SLC16A7: variants seen among roughly 807,000 people sequenced by gnomAD.
The protein encoded by SLC16A7 is solute carrier family 16 member 7, also known as monocarboxylate transporter 2.
In SLC16A7, 33 loss-of-function variants were observed where a neutral mutation model predicts 34.9. The ratio of observed to expected loss-of-function variants is 0.94; its 90% CI spans 0.72 to 1.26. The LOEUF is 1.26. Among genes scored for constraint, SLC16A7 ranks in the 50% most tolerant of loss-of-function variants. The pLI, the probability that SLC16A7 is intolerant of heterozygous loss-of-function variation, is 0.00. For synonymous variants in SLC16A7, 201 were observed against 206.6 expected (o/e 0.97, Z 0.23); for missense variants, 573 against 578.1 (o/e 0.99, Z 0.09).
chr12:59,630,345 TG>T (rs1880125352), intron 1 of SLC16A7, among the ~76,000 whole-genome samples: 1 of 151,862 alleles, frequency 6.6e-6, no homozygotes, highest in Admixed American at 6.6e-5. Flanking sequence ...ATTTTGCAAA[TG>T]GTAGTAGTTA....
intron 2 of SLC16A7, among the ~76,000 whole-genome samples, chr12:59,704,321 A>T (rs1357415967): frequency 2.0e-5 from 3 of 152,130 alleles, no homozygotes; most frequent in African/African-American, 7.2e-5. Flanking sequence ...CCAATAGATC[A>T]TGTCAAAAGG....
At chr12:59,611,469 CAGTT>C (rs2136967449) in intron 1 of SLC16A7, among the ~76,000 whole-genome samples, 1 of 152,328 alleles carries the variant, frequency 6.6e-6, no homozygotes, top group South Asian at 2.1e-4. Context: ...CTAGGAACTA[CAGTT>C]CAAGAGAAGA....
At chr12:59,759,650 C>T (rs1880792935) in intron 3 of SLC16A7, among the ~76,000 whole-genome samples, 1 of 151,778 alleles carries the variant, frequency 6.6e-6, no homozygotes, top group Admixed American at 6.6e-5. Flanking sequence ...TATTAAGGCA[C>T]AATAGTAAAT....
intron 1 of SLC16A7, among the ~76,000 whole-genome samples, chr12:59,653,365 G>A (rs1249836101): frequency 6.6e-6 from 1 of 151,460 alleles, no homozygotes; most frequent in African/African-American, 2.4e-5. Context: ...TGCTTTTTAG[G>A]TATGAGGTAA....
chr12:59,651,812 G>GT (rs1449836204), intron 1 of SLC16A7, among the ~76,000 whole-genome samples: 1 of 152,062 alleles, frequency 6.6e-6, no homozygotes, highest in Admixed American at 6.6e-5. Flanking sequence ...TTTGCTAGTT[G>GT]TTTCCAAACA....
chr12:59,778,058 G>T (rs1446589744), intron 5 of SLC16A7, among the ~76,000 whole-genome samples: 1 of 151,900 alleles, frequency 6.6e-6, no homozygotes, highest in Admixed American at 6.6e-5. Flanking sequence ...ATCATTGTTG[G>T]ACATTTGGGT....
chr12:59,708,967 G>T (rs1873908586), intron 3 of SLC16A7, among the ~76,000 whole-genome samples: 1 of 151,588 alleles, frequency 6.6e-6, no homozygotes, highest in Non-Finnish European at 1.5e-5. Context: ...TAGCAAATAG[G>T]TCAAACAGTG....
chr12:59,702,222 A>G (rs1565658334), intron 2 of SLC16A7, among the ~76,000 whole-genome samples: 1 of 151,942 alleles, frequency 6.6e-6, no homozygotes, highest in African/African-American at 2.4e-5. Flanking sequence ...TACAATATTT[A>G]TTTCCTTTTC....
At chr12:59,638,501 C>T (rs1880535746) in intron 1 of SLC16A7, among the ~76,000 whole-genome samples, 1 of 151,940 alleles carries the variant, frequency 6.6e-6, no homozygotes, top group Non-Finnish European at 1.5e-5. Context: ...AGTGGTTGAC[C>T]CAAGAAGACA....
intron 3 of SLC16A7, among the ~76,000 whole-genome samples, chr12:59,739,503 T>C (rs1391599828): frequency 7.0e-6 from 1 of 142,666 alleles, no homozygotes; most frequent in African/African-American, 2.7e-5. Flanking sequence ...GCAATAAATA[T>C]ACGTGTGCAT....
Position 59,775,400 on chromosome 12 carries a change from C to T in SLC16A7, c.1105C>T (p.Pro369Ser). 3 of 1,614,040 alleles carry T rather than the reference C, an allele frequency of 1.9e-6. No individual in the cohort carries two copies. Among genetic ancestry groups the T allele is most frequent in the Non-Finnish European group, 2.5e-6 (3 of 1,179,972 alleles). The change falls in exon 5 of 6, where the codon CCA (proline) becomes TCA (serine). Residue 369 changes from proline (P) to serine (S), a missense_variant. Transcript: ENST00000547379. Reference protein sequence around the residue: ...FETLMDLVGAPRFSSAVGLVT... With the variant: ...FETLMDLVGASRFSSAVGLVT... ...AACTCTCATGGACCTCGTGGGTGCA[C>T]CAAGATTTTCCAGTGCCGTCGGACT... is the stretch of plus-strand genomic sequence containing the variant.
intron 3 of SLC16A7, among the ~76,000 whole-genome samples, chr12:59,754,604 G>A (rs1205003073): frequency 2.6e-5 from 4 of 152,134 alleles, no homozygotes; most frequent in Admixed American, 2.6e-4. Flanking sequence ...CTGAAATTGT[G>A]GCAATAATCA....
chr12:59,718,397 T>C (rs1875176645), intron 3 of SLC16A7, among the ~76,000 whole-genome samples: 1 of 152,134 alleles, frequency 6.6e-6, no homozygotes, highest in Non-Finnish European at 1.5e-5. Flanking sequence ...CTAAGAGGCA[T>C]TGACATAGTG....
At chr12:59,717,119 C>A (rs1372490664) in intron 3 of SLC16A7, among the ~76,000 whole-genome samples, 1 of 152,124 alleles carries the variant, frequency 6.6e-6, no homozygotes, top group Non-Finnish European at 1.5e-5. Flanking sequence ...TGAAATAGGT[C>A]TTTCTCAATG....
chr12:59,761,263 T>G, intron 3 of SLC16A7: 1 of 717,484 alleles, frequency 1.4e-6, no homozygotes, highest in Non-Finnish European at 2.1e-6. Context: ...TTTTTCATCT[T>G]CTGTTTTAGA....
At chr12:59,676,193 T>C (rs970641084) in intron 2 of SLC16A7, among the ~76,000 whole-genome samples, 1 of 152,144 alleles carries the variant, frequency 6.6e-6, no homozygotes, top group African/African-American at 2.4e-5. Context: ...GACTAACATT[T>C]GACAGAATTT....
At chr12:59,609,838 G>T (rs934304632) in intron 1 of SLC16A7, among the ~76,000 whole-genome samples, 5 of 152,028 alleles carry the variant, frequency 3.3e-5, no homozygotes, top group African/African-American at 1.2e-4. Flanking sequence ...GGTGTCTGAA[G>T]GATTTGCAAA....
In SLC16A7 at chr12:59,762,822, C is replaced by CAA. The variant is rs35275657; in HGVS notation, c.218-8385_218-8384dup. On this transcript the variant is annotated intron_variant, in intron 3 of 5. Transcript: ENST00000547379. The stretch of plus-strand genomic sequence containing the variant: ...CAGCATAATGAGACCACATCTTTCT[C>CAA]AAAAAAAAAAAAATCTGATGCTCAG... Among the ~76,000 whole-genome samples the CAA allele has an allele frequency of 2.5e-3, 317 of 128,542 alleles. 1 individual carries two copies. Among genetic ancestry groups the CAA allele is most frequent in the African/African-American group, 6.7e-3 (234 of 35,018 alleles). 84.3% of individuals were successfully genotyped at this position (128,542 alleles called of 152,430 possible). A position where few individuals can be genotyped will look rare whatever the true frequency, so the allele number is the denominator to read the frequency against.
chr12:59,705,073 C>T, intron 3 of SLC16A7, 55 bp downstream of exon 3: 1 of 1,238,034 alleles, frequency 8.1e-7, no homozygotes, highest in Non-Finnish European at 1.2e-6. Flanking sequence ...TCCTCCATGT[C>T]ACAATGTTTT....
Sources: allele counts gnomAD v4.1 joint callset (sites outside exome capture counted in the v4.1 genomes callset), GRCh38; gene constraint gnomAD v4.1.1; transcripts MANE v1.5; gene names NCBI Gene and HGNC (gene_info 2026-07-23, HGNC 2026-07-21).